The following STK33 variants were observed in gnomAD, a reference collection of about 807,000 sequenced individuals.
STK33 encodes the protein serine/threonine-protein kinase 33.
STK33 carries 52 observed loss-of-function variants against 58.0 expected under a neutral mutation model. The ratio of observed to expected loss-of-function variants is 0.90; its 90% confidence interval spans 0.72 to 1.13. STK33 has a LOEUF of 1.13. Among genes scored for constraint, STK33 ranks in the 50% most tolerant of loss-of-function variants. The pLI is 0.00. For missense variants in STK33, 630 were observed against 604.2 expected, an observed-to-expected ratio of 1.04 and a Z score of -0.45; for synonymous variants, 215 against 200.1, an observed-to-expected ratio of 1.07 and a Z score of -0.63.
At chr11:8,515,779 A>G (rs1196475602) in intron 1 of STK33, among the ~76,000 whole-genome samples, 5 of 152,224 alleles carry the variant, frequency 3.3e-5, no homozygotes, top group African/African-American at 1.2e-4. Context: ...ATAAAATTCA[A>G]CACTTTTTCA....
intron 1 of STK33, among the ~76,000 whole-genome samples, chr11:8,481,216 T>G (rs1009705275): frequency 6.6e-6 from 1 of 152,190 alleles, no homozygotes; most frequent in Admixed American, 6.5e-5. Context: ...AACTTTCCCC[T>G]TATAGCCAGA....
At chr11:8,436,220 G>A in intron 12 of STK33, 81 bp from the exon 13 acceptor site, 3 of 736,010 alleles carry the variant, frequency 4.1e-6, no homozygotes, top group South Asian at 5.6e-5. Context: ...CATAGGACTT[G>A]GAAGTAGTGT....
downstream of STK33, among the ~76,000 whole-genome samples, chr11:8,389,256 A>C (rs890323922): frequency 2.6e-5 from 4 of 152,258 alleles, no homozygotes; most frequent in African/African-American, 7.2e-5. Context: ...CCACCAAAGA[A>C]GGCAGCAAAT....
intron 1 of STK33, among the ~76,000 whole-genome samples, chr11:8,579,673 T>C (rs1356725927): frequency 1.3e-5 from 2 of 152,088 alleles, no homozygotes; most frequent in African/African-American, 4.8e-5. Context: ...ATGTTCTCAT[T>C]TTACTGCTCA....
chr11:8,461,469 A>T (rs1947512650), intron 8 of STK33, among the ~76,000 whole-genome samples: 1 of 152,234 alleles, frequency 6.6e-6, no homozygotes, highest in African/African-American at 2.4e-5. Context: ...ATTCCAATAA[A>T]CTTTAATGGA....
chr11:8,341,300 C>G, the STK33 span, among the ~76,000 whole-genome samples: 1 of 152,172 alleles, frequency 6.6e-6, no homozygotes, highest in African/African-American at 2.4e-5. Context: ...GGACAGCGAC[C>G]CCACAAAGCA....
the STK33 span, among the ~76,000 whole-genome samples, chr11:8,363,562 T>C: frequency 6.6e-6 from 1 of 152,174 alleles, no homozygotes; most frequent in African/African-American, 2.4e-5. Flanking sequence ...TGTACTTGTG[T>C]TTTGCATCTG....
At chr11:8,361,503 C>T in the STK33 span, among the ~76,000 whole-genome samples, 258 of 151,948 alleles carry the variant, frequency 1.7e-3, no homozygotes, top group African/African-American at 6.0e-3. The surrounding 1 kb of genome is among the most constrained non-coding windows in gnomAD (Gnocchi z 4.8). Context: ...CAGCATTTGC[C>T]CTCTCCACCG....
chr11:8,553,198 G>GGTGTATATATATATATATATATATATT (rs1956460398), intron 1 of STK33, among the ~76,000 whole-genome samples: 6 of 54,978 alleles, frequency 1.1e-4, no homozygotes, highest in Non-Finnish European at 1.6e-4. Flanking sequence ...ATATATATAT[G>GGTGTATATATATATATATATATATATT]GTGTATATAT....
At chr11:8,345,162 G>T in the STK33 span, among the ~76,000 whole-genome samples, 1 of 152,300 alleles carries the variant, frequency 6.6e-6, no homozygotes, top group East Asian at 1.9e-4. Flanking sequence ...CATCTCCAGA[G>T]CTTCACCTGA....
At chr11:8,453,662 C>T (rs2136982703) in intron 10 of STK33, among the ~76,000 whole-genome samples, 1 of 152,276 alleles carries the variant, frequency 6.6e-6, no homozygotes, top group Admixed American at 6.5e-5. Flanking sequence ...AAGTGGAACA[C>T]CCTTAGACTG....
At chr11:8,439,085 T>C (rs1256955628) in intron 12 of STK33, among the ~76,000 whole-genome samples, 1 of 152,156 alleles carries the variant, frequency 6.6e-6, no homozygotes, top group African/African-American at 2.4e-5. Flanking sequence ...AATATGACCA[T>C]AAAACTAATG....
At chr11:8,535,620 T>C (rs897864593) in intron 1 of STK33, among the ~76,000 whole-genome samples, 1 of 152,142 alleles carries the variant, frequency 6.6e-6, no homozygotes, top group East Asian at 1.9e-4. Context: ...AGGGAACTCT[T>C]ATAAACTGTT....
At chr11:8,524,785 G>A (rs556727746) in intron 1 of STK33, among the ~76,000 whole-genome samples, 1 of 151,766 alleles carries the variant, frequency 6.6e-6, no homozygotes, top group Admixed American at 6.6e-5. Flanking sequence ...ATTAAGTAAG[G>A]ACTTACTGTA....
intron 1 of STK33, among the ~76,000 whole-genome samples, chr11:8,486,814 C>T (rs1048676777): frequency 4.6e-5 from 7 of 152,128 alleles, no homozygotes; most frequent in African/African-American, 1.7e-4. Flanking sequence ...ACTAGGAAAG[C>T]AGAATCAGGG....
At chr11:8,555,520 C>T (rs572014770) in intron 1 of STK33, among the ~76,000 whole-genome samples, 206 of 152,002 alleles carry the variant, frequency 1.4e-3, no homozygotes, top group African/African-American at 4.7e-3. Context: ...CAAAAAGTAG[C>T]TGGGTGTGGT....
the STK33 span, among the ~76,000 whole-genome samples, chr11:8,368,974 C>A: frequency 6.6e-6 from 1 of 152,144 alleles, no homozygotes; most frequent in Non-Finnish European, 1.5e-5. Context: ...AAGCCATCAG[C>A]GTCTGCGTCC....
chr11:8,494,904 G>C (rs548012770), intron 1 of STK33, among the ~76,000 whole-genome samples: 1 of 152,334 alleles, frequency 6.6e-6, no homozygotes, highest in South Asian at 2.1e-4. Context: ...GTAGAAAGCT[G>C]AAACTGCATC....
At chr11:8,462,141 T>A (rs896087715) in intron 7 of STK33, among the ~76,000 whole-genome samples, 10 of 152,112 alleles carry the variant, frequency 6.6e-5, no homozygotes, top group Admixed American at 6.6e-4. Context: ...ACATATAATT[T>A]TGCCTCAAGC....
Sources: gnomAD v4.1 joint callset for allele counts (sites outside exome capture counted in the v4.1 genomes callset) on GRCh38, gnomAD v4.1.1 for gene constraint, Gnocchi (gnomAD v3.1) non-coding constraint, MANE v1.5 for transcripts, NCBI Gene and HGNC (gene_info 2026-07-23, HGNC 2026-07-21) for gene names.